Variants in CYP39A1 observed in about 807,000 individuals in gnomAD.
CYP39A1 encodes the protein cytochrome P450 family 39 subfamily A member 1, also known as 24-hydroxycholesterol 7-alpha-hydroxylase.
In CYP39A1, 49 loss-of-function variants were observed where a neutral mutation model predicts 58.1. The ratio of observed to expected loss-of-function variants is 0.84; its 90% CI spans 0.67 to 1.07. The LOEUF (loss-of-function observed/expected upper bound fraction) is 1.07, where lower values mean the gene tolerates loss of function less well. CYP39A1 is among the 50% of genes least tolerant of loss of function. CYP39A1 has a pLI of 0.00. For missense variants in CYP39A1, 531 were observed against 539.4 expected, an observed-to-expected ratio of 0.98 and a Z score of 0.16; for synonymous variants, 209 against 187.6, an observed-to-expected ratio of 1.11 and a Z score of -0.93.
In CYP39A1 at chr6:46,637,974, G is replaced by A. The variant is rs1352340053; in HGVS notation, c.493C>T (p.Leu165Phe). The A allele has an allele frequency of 1.2e-6, 2 of 1,601,432 alleles. No homozygotes were observed. The highest frequency in any genetic ancestry group is 4.5e-5 in the East Asian group (2 of 44,604). Residue 165 changes from leucine (L) to phenylalanine (F), a missense_variant, in exon 4 of 12, where the codon CTC (leucine) becomes TTC (phenylalanine). Leu to Phe is a conservative substitution (Grantham distance 22). Coordinates refer to ENST00000275016, the MANE Select transcript of CYP39A1 (RefSeq NM_016593.5). ...TMDLNNLVRH[L>F]LYPVTVNMLF... ...ATATTCACTGTGACTGGATAAAGGAGATGTCTACAAAGACAGAAACACACA... is the reference window on the plus strand; with the variant it reads ...ATATTCACTGTGACTGGATAAAGGAAATGTCTACAAAGACAGAAACACACA...
intron 10 of CYP39A1, among the ~76,000 whole-genome samples, chr6:46,568,943 G>T (rs148946500): frequency 1.3e-5 from 2 of 151,594 alleles, no homozygotes; most frequent in East Asian, 3.9e-4. Context: ...ACATCATTGC[G>T]ATTACATTGA....
intron 9 of CYP39A1, among the ~76,000 whole-genome samples, chr6:46,587,482 G>T (rs1426575183): frequency 6.6e-6 from 1 of 152,066 alleles, no homozygotes; most frequent in African/African-American, 2.4e-5. Flanking sequence ...AATTGCTCTT[G>T]GTAATAAATT....
chr6:46,609,370 C>T (rs1774063027), intron 7 of CYP39A1, among the ~76,000 whole-genome samples: 1 of 150,842 alleles, frequency 6.6e-6, no homozygotes, highest in African/African-American at 2.4e-5. Context: ...GCCACTGAGT[C>T]CGCGCCACTG....
At chr6:46,601,218 C>CAT (rs1158336156) in intron 7 of CYP39A1, among the ~76,000 whole-genome samples, 1 of 152,086 alleles carries the variant, frequency 6.6e-6, no homozygotes, top group Non-Finnish European at 1.5e-5. Flanking sequence ...TTTTTATTTG[C>CAT]AAACTAAATC....
intron 7 of CYP39A1, among the ~76,000 whole-genome samples, chr6:46,598,682 C>T (rs1773315295): frequency 6.6e-6 from 1 of 152,108 alleles, no homozygotes; most frequent in South Asian, 2.1e-4. Context: ...GTTTGGCATT[C>T]ACTGGAGAAT....
chr6:46,595,793 TTTAA>T (rs1773109937), intron 8 of CYP39A1, among the ~76,000 whole-genome samples, 190 bp downstream of exon 8: 1 of 152,098 alleles, frequency 6.6e-6, no homozygotes, highest in Non-Finnish European at 1.5e-5. Context: ...TGATGCATAT[TTTAA>T]TTAGTTTGAT....
At chr6:46,593,682 C>A (rs1355381323) in intron 8 of CYP39A1, among the ~76,000 whole-genome samples, 1 of 152,096 alleles carries the variant, frequency 6.6e-6, no homozygotes, top group African/African-American at 2.4e-5. Context: ...CACTCTCAAG[C>A]TGCATATAAA....
intron 10 of CYP39A1, among the ~76,000 whole-genome samples, chr6:46,574,737 T>C (rs540561058): frequency 6.6e-6 from 1 of 152,156 alleles, no homozygotes; most frequent in South Asian, 2.1e-4. Context: ...TGGAGATCTA[T>C]TTTGTAAATA....
At chr6:46,553,130 C>T (rs1017349771) in intron 11 of CYP39A1, among the ~76,000 whole-genome samples, 4 of 150,980 alleles carry the variant, frequency 2.6e-5, no homozygotes, top group African/African-American at 9.7e-5. Flanking sequence ...CTCCCCTGTT[C>T]CTACTGGATC....
chr6:46,652,373 C>T, intron 1 of CYP39A1, 33 bp downstream of exon 1: 1 of 1,582,948 alleles, frequency 6.3e-7, no homozygotes. Flanking sequence ...AGCATTGTCT[C>T]CTCTGGAGAC....
At chr6:46,637,155 G>A (rs1256988969) in intron 4 of CYP39A1, among the ~76,000 whole-genome samples, 2 of 152,140 alleles carry the variant, frequency 1.3e-5, no homozygotes, top group Non-Finnish European at 2.9e-5. Context: ...ACCAGAACAT[G>A]ACCATGCTGG....
At chr6:46,554,778 T>C (rs1770584563) in intron 10 of CYP39A1, among the ~76,000 whole-genome samples, 1 of 152,112 alleles carries the variant, frequency 6.6e-6, no homozygotes, top group African/African-American at 2.4e-5. Context: ...ATCCTCTCCA[T>C]CACCCTCCAT....
intron 10 of CYP39A1, chr6:46,583,289 C>T (rs1772253171): frequency 1.0e-6 from 1 of 985,316 alleles, no homozygotes; most frequent in East Asian, 1.1e-4. Flanking sequence ...TGCACAATGA[C>T]ACAGCAAATC....
intron 10 of CYP39A1, among the ~76,000 whole-genome samples, chr6:46,566,800 A>C (rs1480713532): frequency 6.6e-6 from 1 of 151,828 alleles, no homozygotes; most frequent in Non-Finnish European, 1.5e-5. Flanking sequence ...ATAAATAAGA[A>C]TTATATATAT....
chr6:46,641,711 A>G (rs1243463005), intron 2 of CYP39A1, among the ~76,000 whole-genome samples: 1 of 152,326 alleles, frequency 6.6e-6, no homozygotes, highest in South Asian at 2.1e-4. Context: ...CCCATTGACC[A>G]TAACAGCCCT....
intron 1 of CYP39A1, among the ~76,000 whole-genome samples, chr6:46,649,153 G>A (rs976661245): frequency 9.2e-5 from 14 of 152,194 alleles, no homozygotes; most frequent in African/African-American, 2.2e-4. Flanking sequence ...CAGCTGACAC[G>A]GTTGGTGGCA....
At chr6:46,645,245 C>A (rs1354389228) in intron 1 of CYP39A1, among the ~76,000 whole-genome samples, 1 of 152,128 alleles carries the variant, frequency 6.6e-6, no homozygotes, top group Non-Finnish European at 1.5e-5. Context: ...TTCTATATTT[C>A]TTTCTACAGG....
intron 10 of CYP39A1, among the ~76,000 whole-genome samples, chr6:46,585,031 C>T (rs757248554): frequency 6.6e-6 from 1 of 152,096 alleles, no homozygotes. Context: ...AAGAGCTCAG[C>T]GTGCTCTAAA....
chr6:46,562,748 A>G (rs1400241585), intron 10 of CYP39A1, among the ~76,000 whole-genome samples: 3 of 152,130 alleles, frequency 2.0e-5, no homozygotes, highest in Non-Finnish European at 4.4e-5. Flanking sequence ...TAGAAATAAT[A>G]TTTACCAATG....
Sources: allele counts gnomAD v4.1 joint callset (sites outside exome capture counted in the v4.1 genomes callset), GRCh38; gene constraint gnomAD v4.1.1; transcripts MANE v1.5; gene names NCBI Gene and HGNC (gene_info 2026-07-23, HGNC 2026-07-21).